Variants in CAMK2D observed in about 807,000 individuals in gnomAD.
The protein encoded by CAMK2D is calcium/calmodulin dependent protein kinase II delta.
Under a neutral mutation model 84.0 loss-of-function variants are expected in CAMK2D, and 37 were observed. The ratio of observed to expected loss-of-function variants is 0.44; its 90% CI spans 0.34 to 0.58. CAMK2D has a LOEUF of 0.58. CAMK2D is among the 20% of genes least tolerant of loss of function. CAMK2D has a pLI of 0.02. For missense variants in CAMK2D, 448 were observed against 652.5 expected (o/e 0.69, Z 3.41); for synonymous variants, 202 against 212.5 (o/e 0.95, Z 0.43).
chr4:113,610,991 GT>G (rs1369027269), intron 3 of CAMK2D, among the ~76,000 whole-genome samples: 1 of 151,424 alleles, frequency 6.6e-6, no homozygotes, highest in African/African-American at 2.4e-5. Flanking sequence ...ACTATAGAAG[GT>G]TTTGGGATGG....
At chr4:113,494,815 G>C (rs1390554244) in intron 16 of CAMK2D, among the ~76,000 whole-genome samples, 1 of 152,194 alleles carries the variant, frequency 6.6e-6, no homozygotes, top group Non-Finnish European at 1.5e-5. Context: ...AGGACCCTCC[G>C]AGCCAGGTGC....
At chr4:113,602,836 C>T (rs7660787) in intron 4 of CAMK2D, among the ~76,000 whole-genome samples, 1,836 of 152,196 alleles carry the variant, frequency 0.012, 43 homozygotes, top group African/African-American at 0.042. Flanking sequence ...GTCTAATTTG[C>T]GGGGTCCCAG....
chr4:113,734,133 T>C (rs2099575651), intron 2 of CAMK2D, among the ~76,000 whole-genome samples: 1 of 152,188 alleles, frequency 6.6e-6, no homozygotes, highest in Non-Finnish European at 1.5e-5. Context: ...TGATGTGTTT[T>C]AGCTTTGAAC....
At chr4:113,518,339 G>T (rs1164363086) in intron 8 of CAMK2D, among the ~76,000 whole-genome samples, 2 of 152,074 alleles carry the variant, frequency 1.3e-5, no homozygotes, top group African/African-American at 2.4e-5. Flanking sequence ...ACACATGGCT[G>T]TAATAAAATT....
intron 8 of CAMK2D, among the ~76,000 whole-genome samples, chr4:113,530,942 T>C (rs948656006): frequency 2.6e-5 from 4 of 151,908 alleles, no homozygotes; most frequent in African/African-American, 7.3e-5. Flanking sequence ...AAATTAGCCA[T>C]GCATGGTTGC....
At chr4:113,468,335 C>CA (rs539029574) in intron 16 of CAMK2D, among the ~76,000 whole-genome samples, 15 of 152,250 alleles carry the variant, frequency 9.9e-5, no homozygotes, top group African/African-American at 3.1e-4. Context: ...GGCAGGACAA[C>CA]AAATGGGAAT....
chr4:113,622,511 T>A (rs892380923), intron 3 of CAMK2D, among the ~76,000 whole-genome samples: 2 of 151,724 alleles, frequency 1.3e-5, no homozygotes, highest in Non-Finnish European at 2.9e-5. Flanking sequence ...ATGCCTGCGA[T>A]CCCAATGCTT....
intron 4 of CAMK2D, among the ~76,000 whole-genome samples, chr4:113,576,712 T>G (rs2098784441): frequency 6.6e-6 from 1 of 152,122 alleles, no homozygotes; most frequent in South Asian, 2.1e-4. Flanking sequence ...GAAGATCACT[T>G]TAAATTTTTT....
Position 113,460,155 on chromosome 4 carries a change from A to G in CAMK2D, c.1298T>C (p.Phe433Ser), listed in dbSNP as rs772949010. The change falls in exon 18 of 21, where the codon TTT (phenylalanine) becomes TCT (serine). Residue 433 changes from phenylalanine (F) to serine (S), a missense_variant. Physicochemically the swap from Phe to Ser is radical, Grantham distance 155. Around this residue, in one of 7 missense-constraint regions of CAMK2D, gnomAD observed 219 missense variants for 272.1 expected, o/e 0.80. Coordinates refer to ENST00000511664, the MANE Select transcript of CAMK2D (RefSeq NM_001321571.2). ...VEGMDFHRFY[F>S]ENALSKSNKP... The stretch of plus-strand genomic sequence containing the variant: ...ATTAGGAATAAATGTACCATTTTCA[A>G]AGTAGAATCGGTGAAAATCCATCCC... 6.4e-7 allele frequency: 1 copy of G among 1,565,958 alleles called. No homozygotes were observed. The highest frequency in any genetic ancestry group is 2.2e-5 in the East Asian group (1 of 44,640).
chr4:113,455,544 C>T (rs1291032020), intron 20 of CAMK2D, among the ~76,000 whole-genome samples, 182 bp downstream of exon 20: 2 of 152,086 alleles, frequency 1.3e-5, no homozygotes, highest in Non-Finnish European at 2.9e-5. Flanking sequence ...GATTATGCTA[C>T]CAAATAGGGC....
At chr4:113,659,640 C>T (rs1278022366) in intron 3 of CAMK2D, among the ~76,000 whole-genome samples, 1 of 152,210 alleles carries the variant, frequency 6.6e-6, no homozygotes, top group Non-Finnish European at 1.5e-5. Flanking sequence ...AACCTGACAA[C>T]ACCTTCATCT....
chr4:113,625,762 T>C (rs117252533), intron 3 of CAMK2D, among the ~76,000 whole-genome samples: 3 of 152,220 alleles, frequency 2.0e-5, no homozygotes, highest in East Asian at 3.9e-4. Context: ...GAATTCACTG[T>C]AGAGTTCTGA....
chr4:113,677,550 T>G (rs2099323590), intron 2 of CAMK2D: 10 of 981,498 alleles, frequency 1.0e-5, no homozygotes, highest in Non-Finnish European at 1.2e-5. Flanking sequence ...CCGTCAGACA[T>G]GAGGATAATC....
intron 5 of CAMK2D, among the ~76,000 whole-genome samples, chr4:113,550,903 A>C (rs1182841105): frequency 6.6e-6 from 1 of 152,238 alleles, no homozygotes; most frequent in African/African-American, 2.4e-5. Context: ...ACAAAGTGCC[A>C]TAAACAGTGC....
intron 2 of CAMK2D, among the ~76,000 whole-genome samples, chr4:113,751,723 T>C (rs962717763): frequency 1.4e-4 from 22 of 152,082 alleles, no homozygotes; most frequent in Admixed American, 2.6e-4. Flanking sequence ...TGAGCCGAGA[T>C]AGCACCACTG....
At chr4:113,588,787 GA>G (rs1277514882) in intron 4 of CAMK2D, among the ~76,000 whole-genome samples, 1 of 151,268 alleles carries the variant, frequency 6.6e-6, no homozygotes, top group Non-Finnish European at 1.5e-5. Context: ...GATCAAAAGA[GA>G]AAAAAGTCCC....
At chr4:113,731,747 G>A (rs990772234) in intron 2 of CAMK2D, among the ~76,000 whole-genome samples, 4 of 151,888 alleles carry the variant, frequency 2.6e-5, no homozygotes, top group Non-Finnish European at 4.4e-5. Flanking sequence ...CACTATGCCC[G>A]GTTAATTCTT....
intron 3 of CAMK2D, among the ~76,000 whole-genome samples, chr4:113,645,741 T>TA (rs2099149275): frequency 6.6e-6 from 1 of 151,908 alleles, no homozygotes; most frequent in African/African-American, 2.4e-5. Flanking sequence ...CATTTATTGA[T>TA]AGTGCTGTTC....
At chr4:113,465,141 TCCTGCCTCAG>T (rs2097441958) in intron 17 of CAMK2D, among the ~76,000 whole-genome samples, 1 of 152,178 alleles carries the variant, frequency 6.6e-6, no homozygotes, top group South Asian at 2.1e-4. Flanking sequence ...TAGGTGATCC[TCCTGCCTCAG>T]CCTCCCAAGT....
Sources: allele counts gnomAD v4.1 joint callset (sites outside exome capture counted in the v4.1 genomes callset), GRCh38; gene constraint gnomAD v4.1.1; regional missense constraint gnomAD v4.1.1; transcripts MANE v1.5; gene names NCBI Gene and HGNC (gene_info 2026-07-23, HGNC 2026-07-21).